Variants in TBC1D22A observed in about 807,000 individuals in gnomAD.
TBC1D22A encodes the protein TBC1 domain family member 22A.
TBC1D22A carries 38 observed loss-of-function variants against 60.2 expected under a neutral mutation model. That is an observed-to-expected ratio of 0.63 (90% confidence interval 0.49 to 0.83). The LOEUF is 0.83. Ranked by LOEUF, TBC1D22A falls within the 40% of genes least tolerant of loss-of-function variation. TBC1D22A has a pLI of 0.00. For missense variants in TBC1D22A, 628 were observed against 701.0 expected, an observed-to-expected ratio of 0.90 and a Z score of 1.18; for synonymous variants, 302 against 281.7, an observed-to-expected ratio of 1.07 and a Z score of -0.72.
At chr22:47,138,352 G>C (rs534481152) in intron 12 of TBC1D22A, among the ~76,000 whole-genome samples, 5 of 152,250 alleles carry the variant, frequency 3.3e-5, no homozygotes, top group Non-Finnish European at 5.9e-5. Context: ...GGACCTGCAG[G>C]CTGGGGAGGA....
At chr22:47,134,011 T>C (rs2066772723) in intron 12 of TBC1D22A, among the ~76,000 whole-genome samples, 1 of 152,110 alleles carries the variant, frequency 6.6e-6, no homozygotes, top group Admixed American at 6.5e-5. Flanking sequence ...CTGTGTCCAC[T>C]CCAGTTATTC....
rs377228444 is a variant in TBC1D22A, at chr22:47,060,192, A to G, written c.1329+22994A>G. Among the ~76,000 whole-genome samples the G allele has an allele frequency of 1.2e-3, 177 of 150,934 alleles. 1 individual carries two copies. Among genetic ancestry groups the G allele is most frequent in the Middle Eastern group, 7.1e-3 (2 of 280 alleles). On this transcript the variant is annotated intron_variant, in intron 11 of 12. Transcript: ENST00000337137. Reference sequence around the variant, plus strand: ...TGCTCTGCGTACTTCCAGCAGGCAGATCAGGCCTCCCTTCAGCCTCTGCGG... The same window carrying G: ...TGCTCTGCGTACTTCCAGCAGGCAGGTCAGGCCTCCCTTCAGCCTCTGCGG...
chr22:46,773,564 A>T (rs1325503393), intron 1 of TBC1D22A, among the ~76,000 whole-genome samples: 2 of 152,142 alleles, frequency 1.3e-5, no homozygotes, highest in Non-Finnish European at 2.9e-5. Context: ...TCCCGGGTTC[A>T]AGCAGTTCTC....
chr22:46,905,819 G>A (rs1268042002), intron 7 of TBC1D22A, among the ~76,000 whole-genome samples: 1 of 152,200 alleles, frequency 6.6e-6, no homozygotes, highest in East Asian at 1.9e-4. Context: ...CCATCCTTCT[G>A]GGGGCATGAC....
At position 46,837,992 on chromosome 22, in the gene TBC1D22A, G is replaced by A. The variant is rs527720906; in HGVS notation, c.637+40372G>A. ...AGAGAATTGCTTGAACCTGGGAGGCGGAGGTTGCAGTGAGCCAAGATTGCG... is the reference window on the plus strand; with the variant it reads ...AGAGAATTGCTTGAACCTGGGAGGCAGAGGTTGCAGTGAGCCAAGATTGCG... On this transcript the variant is annotated intron_variant, in intron 4 of 12. Coordinates refer to ENST00000337137, the MANE Select transcript of TBC1D22A (RefSeq NM_014346.5). Among the ~76,000 whole-genome samples the A allele has an allele frequency of 2.6e-4, 40 of 152,276 alleles. No individual in the cohort carries two copies. The East Asian group carries it at 6.0e-3, about 23-fold the overall frequency.
chr22:46,787,427 C>G (rs1050493906), intron 1 of TBC1D22A, among the ~76,000 whole-genome samples: 4 of 152,170 alleles, frequency 2.6e-5, no homozygotes, highest in Non-Finnish European at 5.9e-5. Flanking sequence ...CCTGCGTCTC[C>G]CCTTCACCAG....
At chr22:47,027,576 GTCT>G (rs1428354892) in intron 10 of TBC1D22A, among the ~76,000 whole-genome samples, 1 of 152,094 alleles carries the variant, frequency 6.6e-6, no homozygotes, top group Non-Finnish European at 1.5e-5. Context: ...TGGGAGACTA[GTCT>G]TCTAAGTGAA....
chr22:46,906,779 C>CTGTGTGTGTGTGTGTGTG (rs148450942), intron 7 of TBC1D22A, among the ~76,000 whole-genome samples: 13 of 149,080 alleles, frequency 8.7e-5, no homozygotes, highest in African/African-American at 3.2e-4. Flanking sequence ...GGACCCTGAA[C>CTGTGTGTGTGTGTGTGTG]TGTGTGTGTG....
intron 7 of TBC1D22A, among the ~76,000 whole-genome samples, chr22:46,906,779 C>CTGTGTGTGTGTG (rs148450942): frequency 0.046 from 6,860 of 149,022 alleles, 257 homozygotes; most frequent in African/African-American, 0.1. Flanking sequence ...GGACCCTGAA[C>CTGTGTGTGTGTG]TGTGTGTGTG....
intron 12 of TBC1D22A, among the ~76,000 whole-genome samples, chr22:47,167,837 C>T (rs187225312): frequency 2.0e-5 from 3 of 152,294 alleles, no homozygotes. Flanking sequence ...AGTTCTCACT[C>T]CGGTCGTGGA....
chr22:47,076,699 C>T lies in TBC1D22A; in HGVS notation c.1330-34809C>T, dbSNP rs182627002. ...CTCCCTGACCTCCATTATTGGTCTC[C>T]GCATTTGTGATAGTTCGTTTGCTTT... On this transcript the variant is annotated intron_variant, in intron 11 of 12. Coordinates refer to ENST00000337137, the MANE Select transcript of TBC1D22A (RefSeq NM_014346.5). 1.8e-4 allele frequency among the ~76,000 whole-genome samples: 28 copies of T among 151,992 alleles called. 2 individuals carry two copies. The South Asian group carries it at 2.7e-3, about 15-fold the overall frequency.
Position 47,129,611 on chromosome 22 carries a change from A to G in TBC1D22A, c.1425+18008A>G, listed in dbSNP as rs139886380. Among the ~76,000 whole-genome samples, 266 of 152,366 alleles carry G rather than the reference A, an allele frequency of 1.7e-3. 3 individuals are homozygous for G. The highest frequency in any genetic ancestry group is 6.1e-3 in the African/African-American group (254 of 41,592). ...TCTAGCCATTTTCCTGTCACCTTAC[A>G]TTCCTAGAGGAAGGCTCAGCAGAGG... On this transcript the variant is annotated intron_variant, in intron 12 of 12. Transcript: ENST00000337137.
At chr22:47,170,677 A>G (rs1167223861) in intron 12 of TBC1D22A, among the ~76,000 whole-genome samples, 12 of 150,510 alleles carry the variant, frequency 8.0e-5, no homozygotes, top group Admixed American at 3.3e-4. Context: ...CTGATGCAGG[A>G]CCAGAGAGAG....
At chr22:46,836,978 G>A (rs1451507506) in intron 4 of TBC1D22A, among the ~76,000 whole-genome samples, 1 of 149,908 alleles carries the variant, frequency 6.7e-6, no homozygotes, top group Non-Finnish European at 1.5e-5. Context: ...GGGCAACATA[G>A]GGAGATCTTG....
At position 47,147,165 on chromosome 22, in the gene TBC1D22A, A is replaced by C. The variant is rs532416619; in HGVS notation, c.1426-26333A>C. On this transcript the variant is annotated intron_variant, in intron 12 of 12. Transcript: ENST00000337137. ...CGGCGGGTGGCGGGCACTGTCCATCACGGGGCCAACAAGGAGACAAGGGAG... is the reference window on the plus strand; with the variant it reads ...CGGCGGGTGGCGGGCACTGTCCATCCCGGGGCCAACAAGGAGACAAGGGAG... Among the ~76,000 whole-genome samples, 62 of 152,328 alleles carry C rather than the reference A, an allele frequency of 4.1e-4. No homozygotes were observed. The South Asian group carries it at 0.012, about 31-fold the overall frequency.
At chr22:47,075,812 A>G (rs1410303475) in intron 11 of TBC1D22A, among the ~76,000 whole-genome samples, 1 of 151,502 alleles carries the variant, frequency 6.6e-6, no homozygotes, top group African/African-American at 2.5e-5. Flanking sequence ...ACACACACAC[A>G]CACATATGGA....
intron 12 of TBC1D22A, among the ~76,000 whole-genome samples, chr22:47,172,189 T>A (rs2068510711): frequency 6.6e-6 from 1 of 151,968 alleles, no homozygotes; most frequent in Non-Finnish European, 1.5e-5. Context: ...GAGCCTTGTG[T>A]GTCCACCCAG....
chr22:46,966,923 C>T (rs1418849094), intron 8 of TBC1D22A, among the ~76,000 whole-genome samples: 2 of 152,104 alleles, frequency 1.3e-5, no homozygotes, highest in East Asian at 1.9e-4. Context: ...AAGAGTGTGT[C>T]GGTTCTCATC....
intron 4 of TBC1D22A, among the ~76,000 whole-genome samples, chr22:46,808,967 G>T (rs187162758): frequency 2.0e-5 from 3 of 152,300 alleles, no homozygotes; most frequent in Admixed American, 6.5e-5. Flanking sequence ...GTTCAAATTG[G>T]TCCTAAAGAG....
Sources: gnomAD v4.1 joint callset for allele counts (sites outside exome capture counted in the v4.1 genomes callset) on GRCh38, gnomAD v4.1.1 for gene constraint, MANE v1.5 for transcripts, NCBI Gene and HGNC (gene_info 2026-07-23, HGNC 2026-07-21) for gene names.